GABRA3: variants seen among roughly 807,000 people sequenced by gnomAD.
GABRA3 encodes the protein gamma-aminobutyric acid receptor subunit alpha-3.
A neutral mutation model predicts 30.1 loss-of-function variants in GABRA3; 10 were observed. The ratio of observed to expected loss-of-function variants is 0.33; its 90% CI spans 0.20 to 0.56. The LOEUF is 0.56. GABRA3 is among the 20% of genes least tolerant of loss of function. The pLI, the probability that GABRA3 is intolerant of heterozygous loss-of-function variation, is 0.89. For missense variants in GABRA3, 233 were observed against 392.0 expected (o/e 0.59, Z 3.42); for synonymous variants, 151 against 146.8 (o/e 1.03, Z -0.21).
intron 3 of GABRA3, among the ~76,000 whole-genome samples, chrX:152,335,675 A>C (rs762962518): frequency 8.9e-6 from 1 of 111,995 alleles, no homozygotes; most frequent in Non-Finnish European, 1.9e-5. Context: ...GATATATTGC[A>C]TAGTGGTGAT....
chrX:152,441,245 T>G (rs1338753748), intron 1 of GABRA3, among the ~76,000 whole-genome samples: 4 of 111,253 alleles, frequency 3.6e-5, no homozygotes, highest in African/African-American at 1.3e-4. Flanking sequence ...AATTATACAT[T>G]AATAAATCTG....
At position 152,212,330 on chromosome X, in the gene GABRA3, AAT is replaced by A. The variant is rs1390043932; in HGVS notation, c.635-4188_635-4187del. Among the ~76,000 whole-genome samples, 30 of 31,727 alleles carry A rather than the reference AAT, an allele frequency of 9.5e-4. 13 individuals are homozygous for A. The highest frequency in any genetic ancestry group is 1.9e-3 in the Admixed American group (4 of 2,092). 27.6% of individuals were successfully genotyped at this position (31,727 alleles called of 115,157 possible). ...AAAAAAAAAAAAAAAAAAAAAAAAA[AAT>A]TCCAAATTGCCTACCCTAAGAACTA... On this transcript the variant is annotated intron_variant, in intron 6 of 9. Transcript: ENST00000370314.
At chrX:152,329,444 T>C (rs1414077060) in intron 3 of GABRA3, among the ~76,000 whole-genome samples, 5 of 111,715 alleles carry the variant, frequency 4.5e-5, no homozygotes, top group South Asian at 3.7e-4. Flanking sequence ...CGACTTCAAA[T>C]TATACTACAA....
intron 5 of GABRA3, among the ~76,000 whole-genome samples, chrX:152,226,458 G>A (rs1394941253): frequency 9.0e-6 from 1 of 111,496 alleles, no homozygotes; most frequent in African/African-American, 3.3e-5. Flanking sequence ...TTACCATTCA[G>A]GACATAGGCA....
At position 152,237,172 on chromosome X, in the gene GABRA3, C is replaced by A. The variant is rs1448774954; in HGVS notation, c.552-12327G>T. Among the ~76,000 whole-genome samples the A allele has an allele frequency of 2.2e-3, 240 of 111,301 alleles. 3 individuals are homozygous for A. Among genetic ancestry groups the A allele is most frequent in the Admixed American group, 5.1e-3 (53 of 10,411 alleles). Reference sequence around the variant, plus strand: ...TAATCCATCTTGAATTGATTTTTGTCTAAGGTGTAAGGAAGGGATCCAGTT... The same window carrying A: ...TAATCCATCTTGAATTGATTTTTGTATAAGGTGTAAGGAAGGGATCCAGTT... On this transcript the variant is annotated intron_variant, in intron 5 of 9. Coordinates refer to ENST00000370314, the MANE Select transcript of GABRA3 (RefSeq NM_000808.4).
intron 1 of GABRA3, among the ~76,000 whole-genome samples, chrX:152,382,414 C>T (rs766311497): frequency 8.9e-6 from 1 of 112,144 alleles, no homozygotes; most frequent in South Asian, 3.7e-4. Flanking sequence ...TTTGACCCAG[C>T]AATCCCATTA....
At chrX:152,200,681 C>T (rs1028853040) in intron 7 of GABRA3, among the ~76,000 whole-genome samples, 7 of 111,151 alleles carry the variant, frequency 6.3e-5, no homozygotes, top group African/African-American at 2.3e-4. Flanking sequence ...CATTTCCAAA[C>T]GCTACCTATT....
chrX:152,171,665 T>C (rs922237374), intron 9 of GABRA3, among the ~76,000 whole-genome samples: 15 of 111,339 alleles, frequency 1.3e-4, no homozygotes, highest in African/African-American at 4.6e-4. Context: ...ATACCCACCA[T>C]TGAAGATTAT....
intron 1 of GABRA3, among the ~76,000 whole-genome samples, chrX:152,403,911 G>A (rs1272222027): frequency 9.0e-6 from 1 of 111,222 alleles, no homozygotes; most frequent in Non-Finnish European, 1.9e-5. Flanking sequence ...GCCAAGAAAT[G>A]AGTCTGACAG....
intron 4 of GABRA3, among the ~76,000 whole-genome samples, chrX:152,268,041 C>G (rs948935088): frequency 9.1e-6 from 1 of 109,730 alleles, no homozygotes; most frequent in African/African-American, 3.3e-5. Flanking sequence ...TTTGTTCTTA[C>G]TTTTTTTTAG....
chrX:152,297,289 A>C (rs182277168), intron 3 of GABRA3, among the ~76,000 whole-genome samples: 4 of 111,913 alleles, frequency 3.6e-5, no homozygotes, highest in Non-Finnish European at 7.5e-5. Context: ...GACAGTAGAC[A>C]CCATTCAGAG....
At chrX:152,183,590 A>G (rs147676140) in intron 9 of GABRA3, among the ~76,000 whole-genome samples, 65 of 110,414 alleles carry the variant, frequency 5.9e-4, no homozygotes, top group African/African-American at 2.0e-3. Flanking sequence ...GCTTCTTTCT[A>G]GTAACTTTGG....
At chrX:152,323,200 A>T (rs1939998197) in intron 3 of GABRA3, among the ~76,000 whole-genome samples, 1 of 111,017 alleles carries the variant, frequency 9.0e-6, no homozygotes, top group Non-Finnish European at 1.9e-5. Flanking sequence ...GTCTCCATCA[A>T]CCACTACCGA....
At chrX:152,364,186 A>T (rs1402685841) in intron 2 of GABRA3, among the ~76,000 whole-genome samples, 2 of 111,405 alleles carry the variant, frequency 1.8e-5, no homozygotes, top group African/African-American at 6.5e-5. Flanking sequence ...GGGCAAAAGA[A>T]CTATTTTTAA....
chrX:152,403,658 T>G (rs1423524375), intron 1 of GABRA3, among the ~76,000 whole-genome samples: 1 of 109,886 alleles, frequency 9.1e-6, no homozygotes, highest in Admixed American at 9.8e-5. Context: ...TAAAGAAAAC[T>G]TGCTGAGGTG....
intron 3 of GABRA3, among the ~76,000 whole-genome samples, chrX:152,292,811 C>T (rs975416759): frequency 9.0e-6 from 1 of 111,556 alleles, no homozygotes; most frequent in African/African-American, 3.3e-5. Flanking sequence ...GTTATTTACC[C>T]GGTAGTCATT....
chrX:152,235,028 G>T (rs1938170344), intron 5 of GABRA3, among the ~76,000 whole-genome samples: 1 of 111,442 alleles, frequency 9.0e-6, no homozygotes, highest in Non-Finnish European at 1.9e-5. Flanking sequence ...TATTTTGGTA[G>T]GAATTGCACT....
intron 4 of GABRA3, among the ~76,000 whole-genome samples, chrX:152,257,864 G>A (rs1225882887): frequency 8.9e-6 from 1 of 112,031 alleles, no homozygotes; most frequent in Non-Finnish European, 1.9e-5. Context: ...AATCATATGT[G>A]GGATTGACAT....
chrX:152,338,292 A>T (rs894122224), intron 3 of GABRA3, among the ~76,000 whole-genome samples: 5 of 111,949 alleles, frequency 4.5e-5, no homozygotes, highest in Non-Finnish European at 9.4e-5. Context: ...AATGATTTTG[A>T]GCATTTTTTC....
Sources: allele counts gnomAD v4.1 joint callset (sites outside exome capture counted in the v4.1 genomes callset), GRCh38; gene constraint gnomAD v4.1.1; transcripts MANE v1.5; gene names NCBI Gene and HGNC (gene_info 2026-07-23, HGNC 2026-07-21).